RBMS3: variants seen among roughly 807,000 people sequenced by gnomAD.
RBMS3 encodes RNA binding motif single stranded interacting protein 3, also known as RNA-binding motif, single-stranded-interacting protein 3.
In RBMS3, 27 loss-of-function variants were observed where a neutral mutation model predicts 66.8. The observed-to-expected ratio is 0.40, with a 90% CI of 0.30 to 0.56. The LOEUF is 0.56. Ranked by LOEUF, RBMS3 falls within the 20% of genes least tolerant of loss-of-function variation. The pLI, the probability that RBMS3 is intolerant of heterozygous loss-of-function variation, is 0.40. For missense variants in RBMS3, 513 were observed against 549.5 expected (o/e 0.93, Z 0.66); for synonymous variants, 188 against 183.0 (o/e 1.03, Z -0.22).
At chr3:29,736,596 A>G (rs1009220295) in intron 4 of RBMS3, among the ~76,000 whole-genome samples, 1 of 152,164 alleles carries the variant, frequency 6.6e-6, no homozygotes, top group African/African-American at 2.4e-5. Flanking sequence ...ACCCATTCAT[A>G]GGACTGTCAT....
chr3:29,462,701 G>A (rs889509643), intron 2 of RBMS3, among the ~76,000 whole-genome samples: 5 of 152,140 alleles, frequency 3.3e-5, no homozygotes, highest in Non-Finnish European at 7.4e-5. Context: ...TATGACAAAT[G>A]TATATTCATA....
chr3:29,559,541 A>AC (rs2046475720), intron 3 of RBMS3, among the ~76,000 whole-genome samples: 1 of 135,416 alleles, frequency 7.4e-6, no homozygotes, highest in Non-Finnish European at 1.6e-5. Context: ...AAAAAAAAAA[A>AC]AAAAAAAAAA....
intron 6 of RBMS3, among the ~76,000 whole-genome samples, chr3:29,801,981 A>C (rs1576847648): frequency 3.9e-5 from 6 of 152,266 alleles, no homozygotes; most frequent in Admixed American, 3.9e-4. Context: ...TTTAGGATTA[A>C]ATTGTCCACA....
At chr3:29,581,243 G>T (rs1398219632) in intron 3 of RBMS3, among the ~76,000 whole-genome samples, 1 of 152,216 alleles carries the variant, frequency 6.6e-6, no homozygotes, top group South Asian at 2.1e-4. Context: ...AGGTTTTCTT[G>T]TTGTTTTAAA....
At chr3:29,688,970 G>A (rs746242802) in intron 4 of RBMS3, among the ~76,000 whole-genome samples, 1 of 151,936 alleles carries the variant, frequency 6.6e-6, no homozygotes, top group Non-Finnish European at 1.5e-5. Context: ...TTATGATTTG[G>A]CCTTTGCATA....
chr3:29,383,192 T>C (rs2038852579), intron 1 of RBMS3, among the ~76,000 whole-genome samples: 1 of 152,238 alleles, frequency 6.6e-6, no homozygotes, highest in South Asian at 2.1e-4. Flanking sequence ...TTTTCCAAGA[T>C]AGCAATTACC....
At chr3:29,458,589 G>C (rs1193804038) in intron 2 of RBMS3, among the ~76,000 whole-genome samples, 1 of 151,998 alleles carries the variant, frequency 6.6e-6, no homozygotes, top group Non-Finnish European at 1.5e-5. Flanking sequence ...TTGTTATGCT[G>C]GGTTTTTAAA....
rs1553657759 is a variant in RBMS3 at position 29,754,957 on chromosome 3, T to TA, written c.558-7952dup. Among the ~76,000 whole-genome samples the TA allele has an allele frequency of 3.3e-5, 5 of 152,158 alleles. No individual in the cohort carries two copies. In the South Asian group the frequency reaches 8.3e-4, roughly 25 times the overall value. ...ACAGCCATGACTGAAGCCCTGTACT[T>TA]ATGTCTCTCTGGGCCTGATAAATGT... On this transcript the variant is annotated intron_variant, in intron 5 of 14. Coordinates refer to ENST00000383767, the MANE Select transcript of RBMS3 (RefSeq NM_001003793.3).
chr3:29,868,735 A>T (rs2059419018), intron 6 of RBMS3, 123 bp from the exon 7 acceptor site: 12 of 867,526 alleles, frequency 1.4e-5, no homozygotes, highest in Non-Finnish European at 1.8e-5. Context: ...GGGGCCAAAT[A>T]TCTCTTCAGA....
chr3:29,913,965 T>C (rs1274827783), intron 10 of RBMS3, among the ~76,000 whole-genome samples: 1 of 151,944 alleles, frequency 6.6e-6, no homozygotes, highest in Non-Finnish European at 1.5e-5. Flanking sequence ...AAGGAAGTGT[T>C]TATATTATAC....
intron 11 of RBMS3, among the ~76,000 whole-genome samples, chr3:29,939,438 GA>G (rs772398286): frequency 4.6e-5 from 7 of 151,908 alleles, no homozygotes; most frequent in African/African-American, 9.7e-5. Flanking sequence ...TGCCTTGTCT[GA>G]AGAGGACAGC....
intron 1 of RBMS3, among the ~76,000 whole-genome samples, chr3:29,292,398 G>C (rs1429437500): frequency 6.6e-6 from 1 of 151,526 alleles, no homozygotes; most frequent in Non-Finnish European, 1.5e-5. Flanking sequence ...TAGCACAAAG[G>C]GGTGAGTCTT....
chr3:29,548,779 A>G (rs934519564), intron 3 of RBMS3, among the ~76,000 whole-genome samples: 5 of 152,050 alleles, frequency 3.3e-5, no homozygotes, highest in African/African-American at 1.2e-4. Flanking sequence ...ACTTCCCAGA[A>G]AAGAAGTCTT....
chr3:29,607,812 TG>T (rs2048362594), intron 4 of RBMS3, among the ~76,000 whole-genome samples: 2 of 151,974 alleles, frequency 1.3e-5, no homozygotes, highest in Admixed American at 1.3e-4. Flanking sequence ...ATTAATTAAT[TG>T]TTTTCACTAT....
intron 6 of RBMS3, among the ~76,000 whole-genome samples, chr3:29,796,898 G>C (rs753071585): frequency 6.6e-6 from 1 of 151,840 alleles, no homozygotes; most frequent in Non-Finnish European, 1.5e-5. Context: ...ACTTTTAATA[G>C]AGATGAGGTT....
intron 4 of RBMS3, among the ~76,000 whole-genome samples, chr3:29,722,639 A>G (rs1372487935): frequency 6.6e-6 from 1 of 152,098 alleles, no homozygotes; most frequent in Non-Finnish European, 1.5e-5. Context: ...TTAATCTGCA[A>G]TCATTCTTCT....
intron 6 of RBMS3, among the ~76,000 whole-genome samples, chr3:29,841,845 G>C (rs1394095738): frequency 2.6e-5 from 4 of 151,984 alleles, no homozygotes; most frequent in Admixed American, 2.6e-4. Flanking sequence ...GGCAAAATTT[G>C]TTCTACTTTC....
At chr3:29,612,299 A>T (rs1221719087) in intron 4 of RBMS3, among the ~76,000 whole-genome samples, 1 of 152,030 alleles carries the variant, frequency 6.6e-6, no homozygotes, top group Non-Finnish European at 1.5e-5. Flanking sequence ...TTGCCTTTTG[A>T]CATATATCTT....
intron 1 of RBMS3, among the ~76,000 whole-genome samples, chr3:29,415,009 T>C (rs986050828): frequency 1.3e-5 from 2 of 152,232 alleles, no homozygotes; most frequent in African/African-American, 4.8e-5. Context: ...AATGAGGATA[T>C]GGCTGATAAA....
Sources: gnomAD v4.1 joint callset for allele counts (sites outside exome capture counted in the v4.1 genomes callset) on GRCh38, gnomAD v4.1.1 for gene constraint, MANE v1.5 for transcripts, NCBI Gene and HGNC (gene_info 2026-07-23, HGNC 2026-07-21) for gene names.